PDE1C: variants seen among roughly 807,000 people sequenced by gnomAD.
The protein encoded by PDE1C is phosphodiesterase 1C, also known as dual specificity calcium/calmodulin-dependent 3',5'-cyclic nucleotide phosphodiesterase 1C.
Under a neutral mutation model 93.1 loss-of-function variants are expected in PDE1C, and 62 were observed. That is an observed-to-expected ratio of 0.67 (90% CI 0.54 to 0.82). The LOEUF (loss-of-function observed/expected upper bound fraction) is 0.82, where lower values mean the gene tolerates loss of function less well. PDE1C is among the 40% of genes least tolerant of loss of function. PDE1C has a pLI of 0.00. For missense variants in PDE1C, 742 were observed against 884.6 expected, an observed-to-expected ratio of 0.84 and a Z score of 2.04; for synonymous variants, 325 against 310.1, an observed-to-expected ratio of 1.05 and a Z score of -0.50.
intron 2 of PDE1C, among the ~76,000 whole-genome samples, chr7:32,196,096 A>C (rs1325074157): frequency 4.6e-5 from 7 of 152,054 alleles, no homozygotes; most frequent in Non-Finnish European, 5.9e-5. Flanking sequence ...CATATTCTCC[A>C]CTGACATCAT....
At chr7:32,076,651 AAAAAAAGAAAAAAAG>A (rs1252712606) in intron 3 of PDE1C, among the ~76,000 whole-genome samples, 2 of 129,770 alleles carry the variant, frequency 1.5e-5, no homozygotes, top group East Asian at 2.0e-4. Context: ...TCAAAAAAAA[AAAAAAAGAAAAAAAG>A]AAAAAAGAAA....
chr7:31,841,863 T>C (rs1441185381), intron 9 of PDE1C, among the ~76,000 whole-genome samples: 1 of 152,052 alleles, frequency 6.6e-6, no homozygotes, highest in African/African-American at 2.4e-5. Flanking sequence ...ATATTGTACT[T>C]CCAACTTGAA....
the PDE1C span, among the ~76,000 whole-genome samples, chr7:31,668,357 A>C: frequency 1.3e-5 from 2 of 152,200 alleles, no homozygotes; most frequent in Non-Finnish European, 2.9e-5. Context: ...ATGTTCACAC[A>C]AAGACATGTA....
chr7:32,051,710 G>A lies in PDE1C; in HGVS notation c.102-130C>T, dbSNP rs1793408599. ...GGGGGGTTTCTCTGTGAAGCTTATGGGTTTCAAAGCTTAGTTAAAAGTTTG... is the reference window on the plus strand; with the variant it reads ...GGGGGGTTTCTCTGTGAAGCTTATGAGTTTCAAAGCTTAGTTAAAAGTTTG... On this transcript the variant is annotated intron_variant, in intron 1 of 17. Transcript: ENST00000396191. 4.1e-6 allele frequency: 3 copies of A among 735,302 alleles called. No homozygotes were observed. In the African/African-American group the frequency reaches 5.3e-5, roughly 13 times the overall value. 45.5% of individuals were successfully genotyped at this position (735,302 alleles called of 1,614,324 possible). A position where few individuals can be genotyped will look rare whatever the true frequency, so the allele number is the denominator to read the frequency against.
chr7:32,298,908 G>T, exon 1 of PDE1C: 1 of 1,360,638 alleles, frequency 7.3e-7, no homozygotes, highest in Non-Finnish European at 9.4e-7. Context: ...CAACAGCGGG[G>T]ACCCAATGTC....
intron 2 of PDE1C, among the ~76,000 whole-genome samples, chr7:31,954,292 G>A (rs1584164066): frequency 1.3e-5 from 2 of 152,154 alleles, no homozygotes; most frequent in Admixed American, 1.3e-4. Flanking sequence ...CAGAAGGCAG[G>A]GGCTTCGGAG....
In PDE1C at chr7:32,134,695, G is replaced by A. The variant is rs140433768; in HGVS notation, c.308+35090C>T. On this transcript the variant is annotated intron_variant, in intron 3 of 18. Transcript: ENST00000396193. The stretch of plus-strand genomic sequence containing the variant: ...ACACCACATGTTCTTACTCATAAGT[G>A]GGAGTTGAACAATGAGAACACATGG... 2.4e-3 allele frequency among the ~76,000 whole-genome samples: 363 copies of A among 152,202 alleles called. 3 individuals carry two copies. Among genetic ancestry groups the A allele is most frequent in the African/African-American group, 8.5e-3 (354 of 41,538 alleles).
chr7:32,049,167 G>C (rs190238792), intron 2 of PDE1C, among the ~76,000 whole-genome samples: 83 of 152,272 alleles, frequency 5.5e-4, no homozygotes, highest in Middle Eastern at 3.4e-3. Flanking sequence ...ATCCTGCTCA[G>C]TGGTTCACAT....
chr7:31,634,792 C>G, the PDE1C span, among the ~76,000 whole-genome samples: 1 of 152,164 alleles, frequency 6.6e-6, no homozygotes, highest in Non-Finnish European at 1.5e-5. Context: ...GTGATAAGAT[C>G]TAGCTGGAGG....
At chr7:32,208,642 G>A (rs183204530) in intron 2 of PDE1C, among the ~76,000 whole-genome samples, 116 of 152,216 alleles carry the variant, frequency 7.6e-4, no homozygotes, top group East Asian at 3.3e-3. Context: ...ACAGTTGTAC[G>A]ATTTCTCCAC....
chr7:32,379,936 G>A (rs1265965810), intron 1 of PDE1C, among the ~76,000 whole-genome samples: 1 of 152,088 alleles, frequency 6.6e-6, no homozygotes, highest in Non-Finnish European at 1.5e-5. Context: ...GTGAGCTGTG[G>A]TCTGAGGCCA....
chr7:31,983,408 T>C (rs1782954106), intron 2 of PDE1C, among the ~76,000 whole-genome samples: 1 of 152,156 alleles, frequency 6.6e-6, no homozygotes, highest in African/African-American at 2.4e-5. Flanking sequence ...TTAAGATCAA[T>C]TCATGGATGA....
Position 31,775,739 on chromosome 7 carries a change from A to G in PDE1C, c.1892-7T>C, listed in dbSNP as rs761313347. On this transcript the variant is annotated splice_polypyrimidine_tract_variant and splice_region_variant and intron_variant, in intron 16 of 17. Coordinates refer to ENST00000396191, the MANE Select transcript of PDE1C (RefSeq NM_001191057.4). ...TGAGAACGCTGTTTTGTGCCTGTGAAGAGGAAAAAGAGGATAAGGAAAAGT... is the reference window on the plus strand; with the variant it reads ...TGAGAACGCTGTTTTGTGCCTGTGAGGAGGAAAAAGAGGATAAGGAAAAGT... The G allele has an allele frequency of 6.2e-7, 1 of 1,610,616 alleles. No individual in the cohort carries two copies. The highest frequency in any genetic ancestry group is 8.5e-7 in the Non-Finnish European group (1 of 1,178,042).
At chr7:31,682,003 G>A in the PDE1C span, among the ~76,000 whole-genome samples, 1 of 152,132 alleles carries the variant, frequency 6.6e-6, no homozygotes, top group Non-Finnish European at 1.5e-5. Context: ...CTGGTCAGTG[G>A]TTTAGAGCAT....
chr7:31,763,560 T>C (rs187741839), intron 17 of PDE1C, among the ~76,000 whole-genome samples: 1 of 152,226 alleles, frequency 6.6e-6, no homozygotes, highest in African/African-American at 2.4e-5. Context: ...TTTGGTTTTC[T>C]TTCTTCCTTT....
intron 3 of PDE1C, among the ~76,000 whole-genome samples, chr7:32,093,121 T>C (rs776125796): frequency 2.0e-5 from 3 of 152,212 alleles, no homozygotes; most frequent in African/African-American, 7.2e-5. Context: ...AGTATGCACA[T>C]AGAAAGTGCA....
chr7:31,713,725 C>T, the PDE1C span, among the ~76,000 whole-genome samples: 1 of 152,250 alleles, frequency 6.6e-6, no homozygotes, highest in Non-Finnish European at 1.5e-5. Context: ...TTCTTGACTT[C>T]TGTGCACTCG....
intron 3 of PDE1C, among the ~76,000 whole-genome samples, chr7:32,092,176 A>G (rs956712753): frequency 3.3e-5 from 5 of 151,244 alleles, no homozygotes; most frequent in African/African-American, 9.7e-5. Flanking sequence ...AGAGAGAGAG[A>G]GAGAGAGAGA....
rs566177405 is a variant in PDE1C at position 31,778,297 on chromosome 7, C to A, written c.1892-2565G>T. 1.7e-4 allele frequency among the ~76,000 whole-genome samples: 26 copies of A among 152,304 alleles called. No homozygotes were observed. The Middle Eastern group carries it at 0.01, about 60-fold the overall frequency. On this transcript the variant is annotated intron_variant, in intron 16 of 17. Transcript: ENST00000396191. ...CCCATTAGGAGGCACTACCAGAGGG[C>A]ACATCTGTGTCTTTTATGTTGTGAT...
Sources: allele counts gnomAD v4.1 joint callset (sites outside exome capture counted in the v4.1 genomes callset), GRCh38; gene constraint gnomAD v4.1.1; transcripts MANE v1.5; gene names NCBI Gene and HGNC (gene_info 2026-07-23, HGNC 2026-07-21).